Variants in CPED1 observed in about 807,000 individuals in gnomAD.
CPED1 encodes cadherin like and PC-esterase domain containing 1, also known as cadherin-like and PC-esterase domain-containing protein 1.
CPED1 carries 114 observed loss-of-function variants against 128.2 expected under a neutral mutation model. The observed-to-expected ratio is 0.89, with a 90% confidence interval of 0.76 to 1.04. CPED1 has a LOEUF of 1.04. Among genes scored for constraint, CPED1 ranks in the 50% least tolerant of loss-of-function variants. The probability of loss-of-function intolerance (pLI) is 0.00; values close to 1 mark genes in which losing one functional copy is unlikely to be tolerated. For missense variants in CPED1, 1,211 were observed against 1,207.1 expected (o/e 1.00, Z -0.05); for synonymous variants, 462 against 426.7 (o/e 1.08, Z -1.02).
At chr7:121,278,271 C>T (rs190713956) in intron 22 of CPED1, among the ~76,000 whole-genome samples, 1 of 152,158 alleles carries the variant, frequency 6.6e-6, no homozygotes, top group East Asian at 1.9e-4. Flanking sequence ...CAAAGAAGGA[C>T]AGTTGGAGAA....
chr7:121,256,128 ACAAAAAAAAAAAAC>A (rs1562852737), intron 18 of CPED1, among the ~76,000 whole-genome samples: 5 of 52,354 alleles, frequency 9.6e-5, no homozygotes, highest in African/African-American at 1.9e-4. Flanking sequence ...AAAAAACAAA[ACAAAAAAAAAAAAC>A]AAAGCTTATG....
chr7:121,270,367 T>C (rs1792208084), intron 21 of CPED1, among the ~76,000 whole-genome samples: 1 of 152,184 alleles, frequency 6.6e-6, no homozygotes, highest in African/African-American at 2.4e-5. Flanking sequence ...TTTCTTTTGC[T>C]GTGCATAGCT....
At chr7:121,021,323 AT>A (rs2116829883) in intron 3 of CPED1, among the ~76,000 whole-genome samples, 1 of 152,018 alleles carries the variant, frequency 6.6e-6, no homozygotes, top group African/African-American at 2.4e-5. Context: ...TTTTATTTAC[AT>A]TCACTTGCAC....
rs1004931271 is a variant in CPED1, at chr7:121,267,246, A to C, written c.2665A>C (p.Lys889Gln). 4.4e-6 allele frequency: 7 copies of C among 1,603,452 alleles called. No individual in the cohort carries two copies. Among genetic ancestry groups the C allele is most frequent in the Non-Finnish European group, 6.0e-6 (7 of 1,172,760 alleles). The change falls in exon 21 of 23, where the codon AAA (lysine) becomes CAA (glutamine). Residue 889 changes from lysine to glutamine, a missense_variant. By Grantham distance (53) the Lys-to-Gln change is moderately conservative. Coordinates refer to ENST00000310396, the MANE Select transcript of CPED1 (RefSeq NM_024913.5). Reference protein sequence around the residue: ...ENLLNILVIIKTLGIGFHLPV... With the variant: ...ENLLNILVIIQTLGIGFHLPV... ...TTTACTCAATATCCTAGTGATCATC[A>C]AAACTTTGGGAATTGGATTTCATCT...
At chr7:121,092,119 C>A (rs1349480463) in intron 5 of CPED1, among the ~76,000 whole-genome samples, 2 of 152,184 alleles carry the variant, frequency 1.3e-5, no homozygotes, top group Non-Finnish European at 2.9e-5. Context: ...TATTAGGCCT[C>A]TTGGTCTTAG....
intron 4 of CPED1, among the ~76,000 whole-genome samples, chr7:121,061,841 T>G (rs1374042020): frequency 6.6e-6 from 1 of 152,218 alleles, no homozygotes; most frequent in East Asian, 1.9e-4. Context: ...CTGTGTAATA[T>G]AGTTGAGTTA....
intron 16 of CPED1, among the ~76,000 whole-genome samples, chr7:121,210,972 T>C (rs1309689803): frequency 6.6e-6 from 1 of 151,802 alleles, no homozygotes. Context: ...ATAAAAAAAA[T>C]TAAAACACAT....
chr7:121,019,061 C>A (rs1792373916), intron 3 of CPED1, among the ~76,000 whole-genome samples: 1 of 151,736 alleles, frequency 6.6e-6, no homozygotes, highest in South Asian at 2.1e-4. Context: ...GGTAGAGTAA[C>A]TTTGAGTTTT....
intron 4 of CPED1, among the ~76,000 whole-genome samples, chr7:121,062,486 C>T (rs1793698944): frequency 6.6e-6 from 1 of 152,192 alleles, no homozygotes; most frequent in African/African-American, 2.4e-5. Context: ...TTTGTTCCCT[C>T]CAGCCCTTTT....
intron 7 of CPED1, among the ~76,000 whole-genome samples, chr7:121,111,806 A>G (rs945615483): frequency 6.6e-6 from 1 of 152,224 alleles, no homozygotes; most frequent in African/African-American, 2.4e-5. Flanking sequence ...AGGAGAAATG[A>G]AGACAAAATT....
intron 18 of CPED1, among the ~76,000 whole-genome samples, chr7:121,252,211 G>A (rs1798688908): frequency 1.3e-5 from 2 of 151,262 alleles, no homozygotes; most frequent in African/African-American, 2.4e-5. Flanking sequence ...CAAGCAATGG[G>A]GAAAGGATTC....
intron 7 of CPED1, among the ~76,000 whole-genome samples, chr7:121,102,796 A>G (rs1182173361): frequency 6.6e-6 from 1 of 151,830 alleles, no homozygotes; most frequent in East Asian, 1.9e-4. Context: ...AGCCTCCAAC[A>G]ACTCCCCTCC....
intron 16 of CPED1, among the ~76,000 whole-genome samples, chr7:121,199,493 C>A: frequency 6.6e-6 from 1 of 151,440 alleles, no homozygotes; most frequent in South Asian, 2.1e-4. Flanking sequence ...TCCTGGCCAG[C>A]ATGGTGAAAC....
chr7:121,251,628 C>A (rs1347067454), intron 18 of CPED1, among the ~76,000 whole-genome samples: 1 of 152,308 alleles, frequency 6.6e-6, no homozygotes, highest in Non-Finnish European at 1.5e-5. Context: ...TCTCAGGATA[C>A]AAAATCAATG....
chr7:121,026,097 G>A (rs556905223), intron 3 of CPED1, among the ~76,000 whole-genome samples: 38 of 152,220 alleles, frequency 2.5e-4, no homozygotes, highest in Non-Finnish European at 4.9e-4. Flanking sequence ...TAAGCTCTGA[G>A]CGATCATTTC....
intron 18 of CPED1, among the ~76,000 whole-genome samples, chr7:121,255,869 T>C (rs1791843890): frequency 6.6e-6 from 1 of 151,930 alleles, no homozygotes; most frequent in East Asian, 1.9e-4. Flanking sequence ...GAAAGATCTC[T>C]ATGAGGATAA....
intron 18 of CPED1, among the ~76,000 whole-genome samples, chr7:121,256,129 CAAA>C (rs201393067): frequency 8.9e-5 from 9 of 101,264 alleles, no homozygotes; most frequent in Non-Finnish European, 1.1e-4. Flanking sequence ...AAAAACAAAA[CAAA>C]AAAAAAAAAC....
At chr7:121,238,592 T>C (rs1798313449) in intron 17 of CPED1, among the ~76,000 whole-genome samples, 1 of 151,994 alleles carries the variant, frequency 6.6e-6, no homozygotes, top group Non-Finnish European at 1.5e-5. Flanking sequence ...TCACTTAGTC[T>C]CCAAAATGAA....
chr7:121,159,608 T>A (rs1354233722), intron 16 of CPED1, among the ~76,000 whole-genome samples: 1 of 152,194 alleles, frequency 6.6e-6, no homozygotes, highest in Non-Finnish European at 1.5e-5. Flanking sequence ...CAATCTTATT[T>A]AAATTCCATT....
Sources: allele counts gnomAD v4.1 joint callset (sites outside exome capture counted in the v4.1 genomes callset), GRCh38; gene constraint gnomAD v4.1.1; transcripts MANE v1.5; gene names NCBI Gene and HGNC (gene_info 2026-07-23, HGNC 2026-07-21).